The following PPP2R2B variants were observed in gnomAD, a reference collection of about 807,000 sequenced individuals.
The protein encoded by PPP2R2B is serine/threonine-protein phosphatase 2A 55 kDa regulatory subunit B beta isoform.
Under a neutral mutation model 46.0 loss-of-function variants are expected in PPP2R2B, and 5 were observed. That is an observed-to-expected ratio of 0.11 (90% CI 0.06 to 0.23). The LOEUF (loss-of-function observed/expected upper bound fraction) is 0.23, where lower values mean the gene tolerates loss of function less well. Ranked by LOEUF, PPP2R2B falls within the 10% of genes least tolerant of loss-of-function variation. The pLI is 1.00. For synonymous variants in PPP2R2B, 215 were observed against 206.7 expected (o/e 1.04, Z -0.34); for missense variants, 367 against 575.0 (o/e 0.64, Z 3.70).
chr5:146,811,712 C>G (rs968615377), intron 2 of PPP2R2B, among the ~76,000 whole-genome samples: 4 of 150,832 alleles, frequency 2.7e-5, no homozygotes, highest in South Asian at 2.1e-4. Context: ...AGGCGCCCAC[C>G]ACCACGCCCG....
intron 2 of PPP2R2B, among the ~76,000 whole-genome samples, chr5:146,750,394 C>T (rs1171290465): frequency 2.0e-5 from 3 of 152,182 alleles, no homozygotes; most frequent in Non-Finnish European, 4.4e-5. Context: ...GAAGAATTAA[C>T]ATCTTTGCCT....
chr5:147,002,742 G>A (rs191362171), intron 1 of PPP2R2B, among the ~76,000 whole-genome samples: 96 of 148,726 alleles, frequency 6.5e-4, no homozygotes, highest in African/African-American at 1.0e-3. Flanking sequence ...GGACCATTGC[G>A]GGTTCTCGGG....
intron 1 of PPP2R2B, among the ~76,000 whole-genome samples, chr5:146,973,286 A>G (rs1752748938): frequency 6.6e-6 from 1 of 152,228 alleles, no homozygotes; most frequent in South Asian, 2.1e-4. Flanking sequence ...TCAGCCCTGG[A>G]CAATTTAAAT....
At chr5:146,851,655 CAAATT>C (rs142617603) in intron 2 of PPP2R2B, among the ~76,000 whole-genome samples, 1,744 of 152,124 alleles carry the variant, frequency 0.011, 36 homozygotes, top group African/African-American at 0.04. Context: ...CTCACTTTCT[CAAATT>C]AAATAAGTGT....
At chr5:146,706,981 T>C in intron 2 of PPP2R2B, 1 of 996,168 alleles carries the variant, frequency 1.0e-6, no homozygotes. Flanking sequence ...CAGGCAAGAC[T>C]CCAGCTCTAC....
intron 2 of PPP2R2B, among the ~76,000 whole-genome samples, chr5:147,073,886 A>G (rs1352602839): frequency 6.6e-6 from 1 of 152,060 alleles, no homozygotes; most frequent in East Asian, 1.9e-4. Context: ...AAATACAAAA[A>G]GTAGCCAGGG....
At chr5:146,631,131 C>T (rs116530605) in intron 7 of PPP2R2B, among the ~76,000 whole-genome samples, 7,762 of 152,270 alleles carry the variant, frequency 0.051, 244 homozygotes, top group Non-Finnish European at 0.076. Context: ...GGCTCCTCAC[C>T]GCCTTGCCTC....
At chr5:146,636,250 G>A (rs748486149) in intron 7 of PPP2R2B, among the ~76,000 whole-genome samples, 10 of 152,162 alleles carry the variant, frequency 6.6e-5, no homozygotes, top group East Asian at 5.8e-4. Flanking sequence ...ATCCTTGGGC[G>A]TTAGGAAGAG....
chr5:146,877,656 CCTT>C (rs1411610767), intron 2 of PPP2R2B, among the ~76,000 whole-genome samples: 1 of 152,082 alleles, frequency 6.6e-6, no homozygotes, highest in Non-Finnish European at 1.5e-5. Context: ...TGGGCCCCTC[CCTT>C]CTTATCTCCC....
chr5:147,006,058 A>G (rs890490253), intron 1 of PPP2R2B, among the ~76,000 whole-genome samples: 3 of 152,138 alleles, frequency 2.0e-5, no homozygotes, highest in African/African-American at 7.2e-5. Context: ...TAACAGGGGG[A>G]TCTAAATCTT....
chr5:146,904,022 A>C (rs944751386), intron 1 of PPP2R2B, among the ~76,000 whole-genome samples: 1 of 152,092 alleles, frequency 6.6e-6, no homozygotes, highest in African/African-American at 2.4e-5. Context: ...GTAATTAGTG[A>C]TATTCTTGTC....
intron 1 of PPP2R2B, among the ~76,000 whole-genome samples, chr5:147,002,206 T>C (rs776406391): frequency 1.1e-4 from 16 of 152,140 alleles, no homozygotes; most frequent in Non-Finnish European, 2.4e-4. Context: ...TTTAGGCACC[T>C]GGGCTCACCG....
At chr5:146,970,367 G>A (rs562678180) in intron 1 of PPP2R2B, among the ~76,000 whole-genome samples, 4 of 152,086 alleles carry the variant, frequency 2.6e-5, no homozygotes, top group South Asian at 2.1e-4. Flanking sequence ...TTGGGAGGCC[G>A]AGGCGGGCGG....
chr5:147,014,784 A>G (rs1175154343), intron 1 of PPP2R2B, among the ~76,000 whole-genome samples: 1 of 151,998 alleles, frequency 6.6e-6, no homozygotes, highest in Non-Finnish European at 1.5e-5. Flanking sequence ...ACCTAATGCT[A>G]GATGACGAGT....
At chr5:146,697,854 G>T in intron 4 of PPP2R2B, 125 bp downstream of exon 4, 1 of 906,722 alleles carries the variant, frequency 1.1e-6, no homozygotes, top group Non-Finnish European at 1.6e-6. Context: ...TAAGCATCTT[G>T]CAAATGTTAT....
At chr5:146,931,803 C>T (rs1763977645) in intron 1 of PPP2R2B, among the ~76,000 whole-genome samples, 1 of 152,106 alleles carries the variant, frequency 6.6e-6, no homozygotes, top group South Asian at 2.1e-4. Context: ...AGTGAGTTGA[C>T]TATAAATGGA....
intron 7 of PPP2R2B, among the ~76,000 whole-genome samples, chr5:146,618,687 C>A (rs1357283809): frequency 1.3e-5 from 2 of 152,140 alleles, no homozygotes; most frequent in African/African-American, 4.8e-5. Context: ...TGCTTCTGGG[C>A]AGAGGCCATG....
intron 2 of PPP2R2B, among the ~76,000 whole-genome samples, chr5:146,843,028 A>T (rs1026213725): frequency 1.1e-4 from 16 of 152,136 alleles, no homozygotes; most frequent in African/African-American, 3.4e-4. Flanking sequence ...ATCTCTACTA[A>T]AAATACAAAA....
At position 147,004,297 on chromosome 5, in the gene PPP2R2B, T is replaced by C. The variant is rs547811831; in HGVS notation, c.79+51368A>G. Among the ~76,000 whole-genome samples, 192 of 152,268 alleles carry C rather than the reference T, an allele frequency of 1.3e-3. 1 individual carries two copies. The highest frequency in any genetic ancestry group is 4.4e-3 in the African/African-American group (184 of 41,566). On this transcript the variant is annotated intron_variant, in intron 1 of 8. Transcript: ENST00000336640. ...ACACTGCCCCAGAGGGCAAAGCTTCTCTGGGCCAGAAGCCCCCAACCAGAT... is the reference window on the plus strand; with the variant it reads ...ACACTGCCCCAGAGGGCAAAGCTTCCCTGGGCCAGAAGCCCCCAACCAGAT...
Sources: gnomAD v4.1 joint callset for allele counts (sites outside exome capture counted in the v4.1 genomes callset) on GRCh38, gnomAD v4.1.1 for gene constraint, MANE v1.5 for transcripts, NCBI Gene and HGNC (gene_info 2026-07-23, HGNC 2026-07-21) for gene names.